The following MARCHF10 variants were observed in gnomAD, a reference collection of about 807,000 sequenced individuals.
MARCHF10 encodes membrane associated ring-CH-type finger 10.
A neutral mutation model predicts 76.2 loss-of-function variants in MARCHF10; 64 were observed. That is an observed-to-expected ratio of 0.84 (90% CI 0.69 to 1.03). MARCHF10 has a LOEUF of 1.03. Among genes scored for constraint, MARCHF10 ranks in the 50% least tolerant of loss-of-function variants. MARCHF10 has a pLI of 0.00. For synonymous variants in MARCHF10, 340 were observed against 357.5 expected (o/e 0.95, Z 0.55); for missense variants, 875 against 958.0 (o/e 0.91, Z 1.14).
chr17:62,781,150 C>G (rs1290644391), intron 3 of MARCHF10, among the ~76,000 whole-genome samples: 5 of 152,166 alleles, frequency 3.3e-5, no homozygotes, highest in African/African-American at 4.8e-5. Context: ...CAGGGTTGTA[C>G]GTAACTCTGA....
chr17:62,738,294 A>T lies in MARCHF10; in HGVS notation c.536-962T>A, dbSNP rs908835675. Among the ~76,000 whole-genome samples the T allele has an allele frequency of 3.3e-5, 5 of 152,166 alleles. No individual in the cohort carries two copies. The highest frequency in any genetic ancestry group is 5.9e-5 in the Non-Finnish European group (4 of 68,022). On this transcript the variant is annotated intron_variant, in intron 5 of 10. Transcript: ENST00000311269. This position sits in a 1 kb window ranked among gnomAD's most constrained non-coding sequence, Gnocchi z 4.0. ...AACCACCACCCTGTGTTAGCCCTTAAGAAACTGGCTGGCCTTCCGATTTCC... is the reference window on the plus strand; with the variant it reads ...AACCACCACCCTGTGTTAGCCCTTATGAAACTGGCTGGCCTTCCGATTTCC...
chr17:62,792,761 C>T (rs561619612), intron 2 of MARCHF10, among the ~76,000 whole-genome samples: 65 of 146,900 alleles, frequency 4.4e-4, no homozygotes, highest in African/African-American at 1.6e-3. Context: ...TCACCACCAC[C>T]ACCTCCATCA....
intron 3 of MARCHF10, among the ~76,000 whole-genome samples, chr17:62,775,070 A>G (rs1462220325): frequency 4.0e-5 from 6 of 151,684 alleles, no homozygotes; most frequent in Non-Finnish European, 8.8e-5. Flanking sequence ...AAAAGAAAAA[A>G]CAAAAACAAA....
intron 4 of MARCHF10, among the ~76,000 whole-genome samples, chr17:62,751,174 C>T (rs1396336600): frequency 2.0e-5 from 3 of 152,156 alleles, no homozygotes; most frequent in African/African-American, 7.2e-5. Flanking sequence ...AGGCAGAATA[C>T]GGGTGCCTGA....
intron 1 of MARCHF10, among the ~76,000 whole-genome samples, chr17:62,802,803 C>T (rs2093098209): frequency 6.6e-6 from 1 of 152,058 alleles, no homozygotes; most frequent in African/African-American, 2.4e-5. Flanking sequence ...GCAGCTGGAG[C>T]AGAGATGAGG....
Position 62,736,906 on chromosome 17 carries a change from C to T in MARCHF10, c.962G>A (p.Gly321Glu), listed in dbSNP as rs746673242. ...ATTTTTGGCCTGAGGGGTCGATGTCCCCCCAAATCTACTTCTTTTGTGATG... is the reference window on the plus strand; with the variant it reads ...ATTTTTGGCCTGAGGGGTCGATGTCTCCCCAAATCTACTTCTTTTGTGATG... The part of the protein sequence containing the change: ...PSHHKRSRFG[G>E]TSTPQAKNKN... The change falls in exon 6 of 11, where the codon GGG (glycine) becomes GAG (glutamate). Residue 321 changes from glycine (G) to glutamate (E), a missense_variant. Transcript: ENST00000311269. 1.1e-5 allele frequency: 18 copies of T among 1,614,000 alleles called. No individual in the cohort carries two copies. Among genetic ancestry groups the T allele is most frequent in the Non-Finnish European group, 1.5e-5 (18 of 1,179,988 alleles).
rs2091263298 is a variant in MARCHF10, at chr17:62,736,364, C to CT, written c.1503dup (p.Glu502ArgfsTer16). On this transcript the variant is annotated frameshift_variant, in exon 6 of 11. Coordinates refer to ENST00000311269, the MANE Select transcript of MARCHF10 (RefSeq NM_152598.4). LOFTEE classifies it high-confidence loss of function. ...CAAACATGAAACCCTGAGTTTCCCT[C>CT]TGAGTCTGAGCTGTGAACTGAAGTC... 6.2e-7 allele frequency: 1 copy of CT among 1,614,094 alleles called. No homozygotes were observed. The highest frequency in any genetic ancestry group is 8.5e-7 in the Non-Finnish European group (1 of 1,180,050).
chr17:62,792,535 C>T (rs1435808533), intron 2 of MARCHF10, among the ~76,000 whole-genome samples: 1 of 151,298 alleles, frequency 6.6e-6, no homozygotes, highest in East Asian at 1.9e-4. Flanking sequence ...ATCTCCATCA[C>T]CACCACCACC....
chr17:62,782,627 G>A (rs558748075), intron 3 of MARCHF10, among the ~76,000 whole-genome samples: 76 of 152,158 alleles, frequency 5.0e-4, no homozygotes, highest in African/African-American at 1.8e-3. Context: ...TTACAGGTGT[G>A]AGCTACCGCG....
chr17:62,805,501 T>A (rs1291705431), intron 1 of MARCHF10, among the ~76,000 whole-genome samples: 1 of 152,230 alleles, frequency 6.6e-6, no homozygotes, highest in African/African-American at 2.4e-5. Context: ...GGTTAATCTA[T>A]CACGGCTTTA....
chr17:62,748,383 G>A (rs965681108), intron 4 of MARCHF10, among the ~76,000 whole-genome samples: 2 of 151,296 alleles, frequency 1.3e-5, no homozygotes, highest in African/African-American at 2.4e-5. Flanking sequence ...CAGGCCGGGC[G>A]ACAGTGCAAG....
intron 2 of MARCHF10, among the ~76,000 whole-genome samples, chr17:62,800,106 C>T (rs2093047237): frequency 6.6e-6 from 1 of 152,238 alleles, no homozygotes; most frequent in African/African-American, 2.4e-5. Flanking sequence ...CCTTCCCCCT[C>T]TTAATCTTAG....
chr17:62,775,471 G>A (rs953041387), intron 3 of MARCHF10, among the ~76,000 whole-genome samples: 2 of 149,646 alleles, frequency 1.3e-5, no homozygotes, highest in East Asian at 3.9e-4. Flanking sequence ...ACAGACATTT[G>A]TATAATGCCT....
At chr17:62,756,257 A>G (rs908751971) in intron 4 of MARCHF10, among the ~76,000 whole-genome samples, 1 of 152,036 alleles carries the variant, frequency 6.6e-6, no homozygotes, top group Non-Finnish European at 1.5e-5. Context: ...TCAAAACAAC[A>G]ACAACAACAA....
intron 3 of MARCHF10, among the ~76,000 whole-genome samples, chr17:62,782,128 T>C (rs970295852): frequency 5.9e-5 from 9 of 152,080 alleles, no homozygotes; most frequent in Admixed American, 1.3e-4. Flanking sequence ...GCAACTCTAG[T>C]GCCTGATGCA....
intron 8 of MARCHF10, among the ~76,000 whole-genome samples, chr17:62,720,998 G>A (rs2090459063): frequency 6.6e-6 from 1 of 151,706 alleles, no homozygotes; most frequent in Admixed American, 6.6e-5. Flanking sequence ...CTCCTGAGTA[G>A]CTGAGATTAC....
In MARCHF10 at chr17:62,744,433, C is replaced by G. The variant is rs369065479; in HGVS notation, c.478G>C (p.Asp160His). 6.2e-6 allele frequency: 10 copies of G among 1,614,182 alleles called. No homozygotes were observed. In the African/African-American group the frequency reaches 9.3e-5, roughly 15 times the overall value. ...CACTGCTGTTTCTGTCTGCTTCTGT[C>G]CCCAGATGCTCTCGGGCTGTGCGAT... ...PESHSPRASG[D>H]RSRQKQQWPA... The change falls in exon 5 of 11, where the codon GAC becomes CAC. Residue 160 changes from aspartate to histidine, a missense_variant. Coordinates refer to ENST00000311269, the MANE Select transcript of MARCHF10 (RefSeq NM_152598.4).
At chr17:62,722,687 G>T in intron 7 of MARCHF10, 90 bp from the exon 8 acceptor site, 3 of 1,048,954 alleles carry the variant, frequency 2.9e-6, no homozygotes, top group South Asian at 1.6e-5. Context: ...GAGTGAACTT[G>T]TGTGTGTTAT....
Position 62,737,233 on chromosome 17 carries a change from T to G in MARCHF10, c.635A>C (p.Glu212Ala). The part of the protein sequence containing the change: ...NLVPSSQPMT[E>A]NAPDRAKKGD... The stretch of plus-strand genomic sequence containing the variant: ...TTTTTTGGCTCTATCAGGGGCGTTC[T>G]CAGTCATTGGCTGTGACGATGGGAC... Residue 212 changes from glutamate (E) to alanine (A), a missense_variant, in exon 6 of 11, where the codon GAG becomes GCG. Coordinates refer to ENST00000311269, the MANE Select transcript of MARCHF10 (RefSeq NM_152598.4). The G allele has an allele frequency of 6.2e-7, 1 of 1,614,122 alleles. No homozygotes were observed. Among genetic ancestry groups the G allele is most frequent in the Non-Finnish European group, 8.5e-7 (1 of 1,180,020 alleles).
Sources: gnomAD v4.1 joint callset for allele counts (sites outside exome capture counted in the v4.1 genomes callset) on GRCh38, gnomAD v4.1.1 for gene constraint, Gnocchi (gnomAD v3.1) non-coding constraint, MANE v1.5 for transcripts, NCBI Gene and HGNC (gene_info 2026-07-23, HGNC 2026-07-21) for gene names.